Variants in MAGI2 observed in about 807,000 individuals in gnomAD.
MAGI2 encodes membrane associated guanylate kinase, WW and PDZ domain containing 2.
A neutral mutation model predicts 133.3 loss-of-function variants in MAGI2; 35 were observed. The ratio of observed to expected loss-of-function variants is 0.26; its 90% CI spans 0.20 to 0.35. The LOEUF is 0.35. Ranked by LOEUF, MAGI2 falls within the 10% of genes least tolerant of loss-of-function variation. MAGI2 has a pLI of 1.00. For missense variants in MAGI2, 1,636 were observed against 1,863.4 expected, an observed-to-expected ratio of 0.88 and a Z score of 2.25; for synonymous variants, 729 against 710.6, an observed-to-expected ratio of 1.03 and a Z score of -0.41.
chr7:78,290,752 C>A (rs1191281213), intron 9 of MAGI2, among the ~76,000 whole-genome samples: 1 of 152,090 alleles, frequency 6.6e-6, no homozygotes, highest in African/African-American at 2.4e-5. Flanking sequence ...GACTCTCAGA[C>A]CACAGTGCTA....
At chr7:78,991,373 T>G (rs1177515594) in intron 2 of MAGI2, among the ~76,000 whole-genome samples, 1 of 151,682 alleles carries the variant, frequency 6.6e-6, no homozygotes, top group Non-Finnish European at 1.5e-5. Context: ...CATATAGACA[T>G]AAATATATAG....
At chr7:78,792,391 G>T (rs533098575) in intron 2 of MAGI2, among the ~76,000 whole-genome samples, 8 of 152,076 alleles carry the variant, frequency 5.3e-5, no homozygotes, top group Admixed American at 1.3e-4. Flanking sequence ...ATTTAAAGCC[G>T]CACTTTTTAT....
chr7:78,725,076 T>A (rs1820635710), intron 2 of MAGI2, among the ~76,000 whole-genome samples: 2 of 152,250 alleles, frequency 1.3e-5, no homozygotes, highest in Non-Finnish European at 1.5e-5. Context: ...ATTTTTTACA[T>A]TAAAACAACG....
chr7:78,194,582 C>A (rs894127131), intron 12 of MAGI2, among the ~76,000 whole-genome samples: 10 of 152,008 alleles, frequency 6.6e-5, no homozygotes, highest in Non-Finnish European at 1.5e-5. Flanking sequence ...TATTTGGTAA[C>A]CTAAACAAAA....
At chr7:78,052,776 C>CT (rs1303011548) in intron 21 of MAGI2, among the ~76,000 whole-genome samples, 1 of 152,124 alleles carries the variant, frequency 6.6e-6, no homozygotes, top group African/African-American at 2.4e-5. Context: ...CACTGACCCA[C>CT]TGGTTTTGCT....
At chr7:78,619,165 T>G (rs1247960329) in intron 3 of MAGI2, among the ~76,000 whole-genome samples, 1 of 151,876 alleles carries the variant, frequency 6.6e-6, no homozygotes, top group Non-Finnish European at 1.5e-5. Flanking sequence ...ACGCAATTAT[T>G]ATGGGTCCAT....
chr7:78,653,708 T>C (rs1230966145), intron 2 of MAGI2, among the ~76,000 whole-genome samples: 10 of 150,840 alleles, frequency 6.6e-5, no homozygotes, highest in African/African-American at 2.4e-4. Flanking sequence ...CAAACCACCA[T>C]GGCATGTGTA....
intron 5 of MAGI2, chr7:78,490,110 T>A: frequency 7.0e-6 from 3 of 426,340 alleles, no homozygotes; most frequent in Non-Finnish European, 1.2e-5. Context: ...AATGCAGAAC[T>A]CATCCAGAGC....
intron 20 of MAGI2, among the ~76,000 whole-genome samples, chr7:78,100,499 T>C (rs1314206680): frequency 6.6e-6 from 1 of 152,064 alleles, no homozygotes; most frequent in African/African-American, 2.4e-5. Context: ...CACAGGCACA[T>C]GCCACTGCAC....
At chr7:78,239,090 C>T (rs1327443901) in intron 10 of MAGI2, among the ~76,000 whole-genome samples, 2 of 152,098 alleles carry the variant, frequency 1.3e-5, no homozygotes, top group East Asian at 3.9e-4. Flanking sequence ...TAGATTTCTA[C>T]ACAGATGTCT....
intron 1 of MAGI2, among the ~76,000 whole-genome samples, chr7:79,031,715 T>C (rs183043225): frequency 6.6e-6 from 1 of 152,330 alleles, no homozygotes; most frequent in Non-Finnish European, 1.5e-5. Flanking sequence ...ATGTAAAATG[T>C]ATATTTAGTT....
intron 1 of MAGI2, among the ~76,000 whole-genome samples, chr7:79,378,832 G>A (rs980303563): frequency 6.7e-6 from 1 of 148,910 alleles, no homozygotes; most frequent in African/African-American, 2.5e-5. Context: ...ACCTCACATT[G>A]CTGCATGATC....
chr7:78,913,570 G>C (rs1798573275), intron 2 of MAGI2, among the ~76,000 whole-genome samples: 1 of 152,102 alleles, frequency 6.6e-6, no homozygotes, highest in Admixed American at 6.6e-5. Context: ...ATAGCCTAAT[G>C]CAACAGTGAA....
intron 1 of MAGI2, among the ~76,000 whole-genome samples, chr7:79,279,179 AG>A (rs1294668083): frequency 6.6e-6 from 1 of 152,064 alleles, no homozygotes; most frequent in Non-Finnish European, 1.5e-5. Context: ...GAGTTTTTAC[AG>A]GCTTCTCTCC....
chr7:78,041,764 T>C (rs946708724), intron 21 of MAGI2, among the ~76,000 whole-genome samples: 5 of 152,228 alleles, frequency 3.3e-5, no homozygotes, highest in African/African-American at 9.6e-5. Flanking sequence ...GGCCAGAACC[T>C]ACCAGACTTG....
intron 1 of MAGI2, among the ~76,000 whole-genome samples, chr7:79,380,818 C>T (rs1250539779): frequency 1.3e-5 from 2 of 151,738 alleles, no homozygotes; most frequent in Non-Finnish European, 2.9e-5. Flanking sequence ...AGAAAATACA[C>T]TTCTTTAAAG....
chr7:78,077,729 T>TG (rs1374232384), intron 21 of MAGI2, among the ~76,000 whole-genome samples: 2 of 144,930 alleles, frequency 1.4e-5, no homozygotes, highest in Non-Finnish European at 3.0e-5. Flanking sequence ...TAGAATGTTT[T>TG]TTTTTTTTTT....
chr7:78,207,234 C>CT (rs11393167), intron 10 of MAGI2, among the ~76,000 whole-genome samples: 82,295 of 151,880 alleles, frequency 0.54, 22,499 homozygotes, highest in Non-Finnish European at 0.57. Flanking sequence ...TTAAATTATC[C>CT]TTTTTTATGA....
intron 2 of MAGI2, among the ~76,000 whole-genome samples, chr7:78,879,546 A>T (rs1795682227): frequency 6.6e-6 from 1 of 151,922 alleles, no homozygotes; most frequent in Non-Finnish European, 1.5e-5. Context: ...GAAAATAATG[A>T]TAATAATAAT....
Sources: gnomAD v4.1 joint callset for allele counts (sites outside exome capture counted in the v4.1 genomes callset) on GRCh38, gnomAD v4.1.1 for gene constraint, MANE v1.5 for transcripts, NCBI Gene and HGNC (gene_info 2026-07-23, HGNC 2026-07-21) for gene names.